The following MYZAP variants were observed in gnomAD, a reference collection of about 807,000 sequenced individuals.
MYZAP encodes GRINL1A complex locus upstream.
In MYZAP, 66 loss-of-function variants were observed where a neutral mutation model predicts 69.4. That is an observed-to-expected ratio of 0.95 (90% CI 0.78 to 1.17). The LOEUF (loss-of-function observed/expected upper bound fraction) is 1.17, where lower values mean the gene tolerates loss of function less well. Among genes scored for constraint, MYZAP ranks in the 50% most tolerant of loss-of-function variants. The pLI is 0.00. For synonymous variants in MYZAP, 256 were observed against 205.9 expected, an observed-to-expected ratio of 1.24 and a Z score of -2.09; for missense variants, 611 against 556.2, an observed-to-expected ratio of 1.10 and a Z score of -0.99.
intron 1 of MYZAP, chr15:57,599,416 G>C (rs1340399592): frequency 1.8e-6 from 2 of 1,100,902 alleles, no homozygotes; most frequent in African/African-American, 1.6e-5. Flanking sequence ...CAAGTAATAG[G>C]TGCTCAGTAA....
intron 8 of MYZAP, among the ~76,000 whole-genome samples, chr15:57,634,213 G>A (rs1243330004): frequency 2.0e-5 from 3 of 152,076 alleles, no homozygotes; most frequent in Non-Finnish European, 2.9e-5. Context: ...TGAGGAAGGC[G>A]GGAGCTCAGC....
At chr15:57,653,558 G>A (rs990246474) in intron 10 of MYZAP, among the ~76,000 whole-genome samples, 2 of 152,180 alleles carry the variant, frequency 1.3e-5, no homozygotes, top group Admixed American at 6.5e-5. Flanking sequence ...TTGATTAAAT[G>A]TGACCATCAG....
intron 10 of MYZAP, among the ~76,000 whole-genome samples, chr15:57,657,360 G>A (rs1326483321): frequency 6.6e-6 from 1 of 152,136 alleles, no homozygotes; most frequent in East Asian, 1.9e-4. Context: ...TACCGTGAGA[G>A]TAATTTTTGG....
intron 10 of MYZAP, among the ~76,000 whole-genome samples, chr15:57,650,731 T>C: frequency 6.6e-6 from 1 of 152,158 alleles, no homozygotes; most frequent in East Asian, 1.9e-4. Context: ...GGAGAGTCTT[T>C]AGGGAGGAGG....
chr15:57,640,291 A>T (rs554058235), intron 10 of MYZAP, among the ~76,000 whole-genome samples: 1 of 152,214 alleles, frequency 6.6e-6, no homozygotes, highest in Non-Finnish European at 1.5e-5. Flanking sequence ...TGTAAAGCTA[A>T]TCACATATTA....
intron 10 of MYZAP, among the ~76,000 whole-genome samples, chr15:57,643,140 C>A (rs1361494187): frequency 6.6e-6 from 1 of 152,088 alleles, no homozygotes; most frequent in African/African-American, 2.4e-5. Flanking sequence ...CCCACGTGTG[C>A]CTCTTATAGC....
chr15:57,679,375 T>TGTGTGTGTGTG (rs1555465672), intron 12 of MYZAP, among the ~76,000 whole-genome samples: 30,378 of 114,568 alleles, frequency 0.27, 4,586 homozygotes, highest in Non-Finnish European at 0.34. Flanking sequence ...TGTGTGTGTG[T>TGTGTGTGTGTG]TTCTCTCTCT....
intron 1 of MYZAP, among the ~76,000 whole-genome samples, chr15:57,596,458 C>T (rs1205334399): frequency 4.6e-5 from 7 of 152,194 alleles, no homozygotes; most frequent in East Asian, 1.9e-4. Flanking sequence ...TATGGTCTTA[C>T]GGAATTCCAG....
chr15:57,639,721 G>C (rs773414561), intron 10 of MYZAP, among the ~76,000 whole-genome samples, 176 bp downstream of exon 10: 3 of 152,204 alleles, frequency 2.0e-5, no homozygotes, highest in Non-Finnish European at 4.4e-5. Flanking sequence ...GACTGATGAC[G>C]ATGATGCCCC....
intron 10 of MYZAP, among the ~76,000 whole-genome samples, chr15:57,658,344 T>C (rs2038106950): frequency 6.6e-6 from 1 of 152,170 alleles, no homozygotes; most frequent in Non-Finnish European, 1.5e-5. Flanking sequence ...TATAACACTA[T>C]CATCACACCT....
rs1002347693 is a variant in MYZAP at position 57,592,091 on chromosome 15, C to T, written c.57C>T (p.Pro19=). ...TLLSGGAART[P]GAPSRRANVC... The stretch of plus-strand genomic sequence containing the variant: ...TCTCGGGCGGCGCCGCCAGGACGCC[C>T]GGGGCGCCCAGCAGGAGGGTGAGTA... The change falls in exon 1 of 13, where the codon CCC becomes CCT. Residue 19 remains proline (P), a synonymous_variant. Transcript: ENST00000267853. 4 of 1,372,458 alleles carry T rather than the reference C, an allele frequency of 2.9e-6. No individual in the cohort carries two copies. The African/African-American group carries it at 4.6e-5, about 16-fold the overall frequency. 85.0% of individuals were successfully genotyped at this position (1,372,458 alleles called of 1,614,324 possible). A position where few individuals can be genotyped will look rare whatever the true frequency, so the allele number is the denominator to read the frequency against.
At chr15:57,622,232 A>T (rs1024755877) in intron 4 of MYZAP, among the ~76,000 whole-genome samples, 2 of 152,234 alleles carry the variant, frequency 1.3e-5, no homozygotes, top group Non-Finnish European at 2.9e-5. Context: ...ATATACAAAA[A>T]ATTCCCAAAA....
At chr15:57,605,969 G>A (rs2034717917) in intron 2 of MYZAP, among the ~76,000 whole-genome samples, 1 of 152,158 alleles carries the variant, frequency 6.6e-6, no homozygotes, top group Admixed American at 6.6e-5. Flanking sequence ...GATAATTGGA[G>A]AAGGGGAGTA....
rs1407356404 is a variant in MYZAP at position 57,591,981 on chromosome 15, A to G, written c.-54A>G. On this transcript the variant is annotated 5_prime_UTR_variant, in exon 1 of 13. Transcript: ENST00000267853. ...CGCGCAGGGCGGGCCCCGCACGCTT[A>G]TTCTGCCCGGGAGGAACGCCGGCGT... 2.5e-5 allele frequency: 34 copies of G among 1,384,594 alleles called. No individual in the cohort carries two copies. The highest frequency in any genetic ancestry group is 7.6e-5 in the African/African-American group (5 of 65,900). The allele number at this position is 1,384,594 out of a possible 1,614,324, so 85.8% of individuals were successfully genotyped here.
Position 57,676,392 on chromosome 15 carries a change from T to C in MYZAP, c.1304+1324T>C, listed in dbSNP as rs555039970. 7.8e-3 allele frequency among the ~76,000 whole-genome samples: 1,105 copies of C among 141,022 alleles called. 17 individuals carry two copies. Among genetic ancestry groups the C allele is most frequent in the African/African-American group, 0.028 (1,058 of 38,116 alleles). The allele number at this position is 141,022 out of a possible 152,430, so 92.5% of individuals were successfully genotyped here. A position where few individuals can be genotyped will look rare whatever the true frequency, so the allele number is the denominator to read the frequency against. ...TCAGTCCAATATAATTAATAGAAAA[T>C]GTTGAATATATATATATGTATATAT... On this transcript the variant is annotated intron_variant, in intron 12 of 12. Coordinates refer to ENST00000267853, the MANE Select transcript of MYZAP (RefSeq NM_001018100.5).
rs2035587150 is a variant in MYZAP, at chr15:57,618,077, G to A, written c.207G>A (p.Gln69=). The change falls in exon 3 of 13, where the codon CAG becomes CAA. Residue 69 remains glutamine (Q), a synonymous_variant. Transcript: ENST00000267853. ...GAGAACCTACCAGGAAACTTCCTCA[G>A]GGTGTTGTTTATGGTGTGGTGCGAA... ...SNGEPTRKLP[Q]GVVYGVVRRS... 2 of 1,614,114 alleles carry A rather than the reference G, an allele frequency of 1.2e-6. No individual in the cohort carries two copies. The highest frequency in any genetic ancestry group is 1.3e-5 in the African/African-American group (1 of 75,014).
At chr15:57,649,804 A>G (rs751943887) in intron 10 of MYZAP, among the ~76,000 whole-genome samples, 15 of 152,206 alleles carry the variant, frequency 9.9e-5, no homozygotes, top group African/African-American at 3.6e-4. Flanking sequence ...GTCTTCAATT[A>G]CAACCTGCAC....
intron 11 of MYZAP, among the ~76,000 whole-genome samples, chr15:57,671,138 T>G (rs1239601037): frequency 6.6e-6 from 1 of 152,124 alleles, no homozygotes; most frequent in Non-Finnish European, 1.5e-5. Flanking sequence ...TAAAACATTC[T>G]CTTAGTTTTT....
At chr15:57,663,961 CA>C (rs1390589285) in intron 11 of MYZAP, among the ~76,000 whole-genome samples, 22 of 151,610 alleles carry the variant, frequency 1.5e-4, no homozygotes, top group South Asian at 8.3e-4. Flanking sequence ...ACAATATATA[CA>C]AAAAAAGTTG....
Sources: gnomAD v4.1 joint callset for allele counts (sites outside exome capture counted in the v4.1 genomes callset) on GRCh38, gnomAD v4.1.1 for gene constraint, MANE v1.5 for transcripts, NCBI Gene and HGNC (gene_info 2026-07-23, HGNC 2026-07-21) for gene names.